EFCAB11: variants seen among roughly 807,000 people sequenced by gnomAD.
EFCAB11 encodes the protein EF-hand calcium binding domain 11, also known as EF-hand calcium-binding domain-containing protein 11.
A neutral mutation model predicts 23.0 loss-of-function variants in EFCAB11; 14 were observed. The ratio of observed to expected loss-of-function variants is 0.61; its 90% CI spans 0.40 to 0.95. The LOEUF (loss-of-function observed/expected upper bound fraction) is 0.95. EFCAB11 is among the 40% of genes least tolerant of loss of function. EFCAB11 has a pLI of 0.00. For synonymous variants in EFCAB11, 65 were observed against 66.6 expected (o/e 0.98, Z 0.11); for missense variants, 198 against 195.8 (o/e 1.01, Z -0.07).
intron 5 of EFCAB11, among the ~76,000 whole-genome samples, chr14:89,901,129 A>G (rs1889325801): frequency 6.6e-6 from 1 of 152,214 alleles, no homozygotes; most frequent in Non-Finnish European, 1.5e-5. Flanking sequence ...TTAAACTGCT[A>G]ATTTTTTTAA....
chr14:89,872,277 A>C (rs1212526563), intron 5 of EFCAB11, among the ~76,000 whole-genome samples: 1 of 152,190 alleles, frequency 6.6e-6, no homozygotes, highest in African/African-American at 2.4e-5. Context: ...TCAGTTGATA[A>C]GACAAAGGGA....
At chr14:89,842,307 G>A (rs1232733834) in intron 5 of EFCAB11, among the ~76,000 whole-genome samples, 2 of 152,204 alleles carry the variant, frequency 1.3e-5, no homozygotes, top group African/African-American at 2.4e-5. Context: ...ATGTAATCTG[G>A]GCGGGGCGTG....
chr14:89,921,739 G>A (rs1890027747), intron 5 of EFCAB11, among the ~76,000 whole-genome samples: 1 of 152,136 alleles, frequency 6.6e-6, no homozygotes, highest in Admixed American at 6.5e-5. Flanking sequence ...ATGTAGTACT[G>A]GAAATCTTTG....
chr14:89,926,321 A>G (rs1890192622), intron 5 of EFCAB11, among the ~76,000 whole-genome samples: 1 of 152,222 alleles, frequency 6.6e-6, no homozygotes, highest in Non-Finnish European at 1.5e-5. Flanking sequence ...GGAAAAAGTT[A>G]TAATTAGTTT....
chr14:89,839,609 C>T (rs1887193309), intron 5 of EFCAB11, among the ~76,000 whole-genome samples: 1 of 152,156 alleles, frequency 6.6e-6, no homozygotes, highest in African/African-American at 2.4e-5. Flanking sequence ...AGTCAATTCT[C>T]ACACTGCTAT....
intron 5 of EFCAB11, among the ~76,000 whole-genome samples, chr14:89,819,235 A>G (rs1886429368): frequency 6.6e-6 from 1 of 152,206 alleles, no homozygotes; most frequent in Non-Finnish European, 1.5e-5. Flanking sequence ...ACAGGGTCAA[A>G]GAAGCCAGAC....
intron 5 of EFCAB11, among the ~76,000 whole-genome samples, chr14:89,876,636 G>A (rs1312122377): frequency 2.6e-5 from 4 of 152,156 alleles, no homozygotes; most frequent in African/African-American, 9.7e-5. Flanking sequence ...AAAAAAGAGG[G>A]GGGAAAGTAA....
At chr14:89,863,574 C>A (rs1887995527) in intron 5 of EFCAB11, among the ~76,000 whole-genome samples, 1 of 152,176 alleles carries the variant, frequency 6.6e-6, no homozygotes, top group Non-Finnish European at 1.5e-5. Context: ...TTTTTATTTT[C>A]CATGTTATTT....
At chr14:89,881,539 C>T (rs1888603214) in intron 5 of EFCAB11, among the ~76,000 whole-genome samples, 1 of 141,872 alleles carries the variant, frequency 7.0e-6, no homozygotes, top group Admixed American at 7.3e-5. Context: ...ACTCTGCCTC[C>T]CAGGTTCAAG....
At chr14:89,916,925 T>C (rs185043763) in intron 5 of EFCAB11, among the ~76,000 whole-genome samples, 10 of 152,338 alleles carry the variant, frequency 6.6e-5, no homozygotes, top group Admixed American at 4.6e-4. Flanking sequence ...TGTGTAGACA[T>C]TTTTTGAGGT....
At chr14:89,932,458 T>C (rs750614932) in intron 4 of EFCAB11, 68 bp downstream of exon 4, 10 of 1,138,946 alleles carry the variant, frequency 8.8e-6, no homozygotes, top group Non-Finnish European at 1.3e-5. Context: ...ATTTACTGGG[T>C]ATATAATCCT....
intron 5 of EFCAB11, among the ~76,000 whole-genome samples, chr14:89,912,233 A>T (rs1889702795): frequency 6.6e-6 from 1 of 152,102 alleles, no homozygotes; most frequent in African/African-American, 2.4e-5. Flanking sequence ...TTTTACTCCC[A>T]CTTAAAAAAA....
At chr14:89,808,140 A>G (rs541397181) in intron 5 of EFCAB11, among the ~76,000 whole-genome samples, 1 of 152,326 alleles carries the variant, frequency 6.6e-6, no homozygotes, top group Admixed American at 6.5e-5. Context: ...TACATTTCCC[A>G]GCCTCCCTTG....
chr14:89,896,176 G>C (rs1596439462), intron 5 of EFCAB11, among the ~76,000 whole-genome samples: 1 of 152,230 alleles, frequency 6.6e-6, no homozygotes, highest in East Asian at 1.9e-4. Flanking sequence ...ACGAGGTCAG[G>C]AGATGGAGAC....
At position 89,796,647 on chromosome 14, in the gene EFCAB11, T is replaced by G. The variant is rs925703596; in HGVS notation, c.*596A>C. The G allele has an allele frequency of 6.6e-6, 1 of 152,202 alleles. No individual in the cohort carries two copies. The highest frequency in any genetic ancestry group is 2.4e-5 in the African/African-American group (1 of 41,434). The allele number at this position is 152,202 out of a possible 1,614,324, so 9.4% of individuals were successfully genotyped here. A position where few individuals can be genotyped will look rare whatever the true frequency, so the allele number is the denominator to read the frequency against. ...CTATGCTTCCCAAGGCCTGGCTGAT[T>G]GCTTGGAACATAGTAAGTATTCTGT... On this transcript the variant is annotated 3_prime_UTR_variant, in exon 6 of 6. Transcript: ENST00000316738.
intron 5 of EFCAB11, among the ~76,000 whole-genome samples, chr14:89,887,604 T>A (rs1003429914): frequency 7.2e-5 from 11 of 152,182 alleles, no homozygotes; most frequent in African/African-American, 2.4e-4. Context: ...AAAGTAACAC[T>A]GAAAATAAAT....
intron 5 of EFCAB11, among the ~76,000 whole-genome samples, chr14:89,900,379 AT>A (rs764239713): frequency 6.6e-6 from 1 of 152,198 alleles, no homozygotes; most frequent in Non-Finnish European, 1.5e-5. Context: ...GGCTTTAACC[AT>A]GGCTAGAATG....
intron 5 of EFCAB11, among the ~76,000 whole-genome samples, chr14:89,802,953 A>C (rs1269669153): frequency 2.6e-5 from 4 of 152,156 alleles, no homozygotes; most frequent in African/African-American, 4.8e-5. Flanking sequence ...AGCACGATTG[A>C]TATTTTGGAC....
intron 5 of EFCAB11, among the ~76,000 whole-genome samples, chr14:89,820,429 C>T (rs1041882406): frequency 6.6e-6 from 1 of 152,020 alleles, no homozygotes; most frequent in African/African-American, 2.4e-5. Flanking sequence ...ACCGCCCCCA[C>T]CACTCTCACC....
Sources: allele counts gnomAD v4.1 joint callset (sites outside exome capture counted in the v4.1 genomes callset), GRCh38; gene constraint gnomAD v4.1.1; transcripts MANE v1.5; gene names NCBI Gene and HGNC (gene_info 2026-07-23, HGNC 2026-07-21).